TMEM181: variants seen among roughly 807,000 people sequenced by gnomAD.
TMEM181 encodes the protein G protein-coupled receptor 178.
Under a neutral mutation model 71.9 loss-of-function variants are expected in TMEM181, and 39 were observed. That is an observed-to-expected ratio of 0.54 (90% CI 0.42 to 0.71). The LOEUF is 0.71. Ranked by LOEUF, TMEM181 falls within the 30% of genes least tolerant of loss-of-function variation. The probability of loss-of-function intolerance (pLI) is 0.00; values close to 1 mark genes in which losing one functional copy is unlikely to be tolerated. For missense variants in TMEM181, 595 were observed against 583.0 expected, an observed-to-expected ratio of 1.02 and a Z score of -0.21; for synonymous variants, 245 against 228.8, an observed-to-expected ratio of 1.07 and a Z score of -0.64.
upstream of TMEM181, among the ~76,000 whole-genome samples, chr6:158,558,868 A>G (rs1260912340): frequency 6.6e-6 from 1 of 151,880 alleles, no homozygotes; most frequent in East Asian, 1.9e-4. Flanking sequence ...CCTCCGACTC[A>G]CCCCTTCCCG....
rs1486809561 is a variant in TMEM181 at position 158,628,238 on chromosome 6, G to A, written c.1110-170G>A. The A allele has an allele frequency of 4.2e-6, 3 of 715,566 alleles. No individual in the cohort carries two copies. The East Asian group carries it at 8.1e-5, about 19-fold the overall frequency. The allele number at this position is 715,566 out of a possible 1,614,324, so 44.3% of individuals were successfully genotyped here. On this transcript the variant is annotated intron_variant, in intron 13 of 16. Transcript: ENST00000684151. ...AACCAGAAGCAGGGGCTGTGTGTGT[G>A]TGTGCATGTGTGCATCTGTGCGTGC...
intron 1 of TMEM181, among the ~76,000 whole-genome samples, chr6:158,560,560 C>G (rs937730504): frequency 6.6e-6 from 1 of 152,280 alleles, no homozygotes; most frequent in East Asian, 1.9e-4. Flanking sequence ...CGGCCCTTCC[C>G]CGGCGTAGGG....
At chr6:158,560,426 G>A (rs2128284664) in intron 1 of TMEM181, among the ~76,000 whole-genome samples, 194 bp downstream of exon 1, 1 of 152,226 alleles carries the variant, frequency 6.6e-6, no homozygotes, top group East Asian at 1.9e-4. Flanking sequence ...AGAGTAGACC[G>A]GGGCCGGGGC....
At chr6:158,546,505 A>T (rs1219218006) in intron 1 of TMEM181, among the ~76,000 whole-genome samples, 1 of 152,212 alleles carries the variant, frequency 6.6e-6, no homozygotes. Flanking sequence ...CTGGAGCTGA[A>T]ACTGAACCCC....
At chr6:158,603,714 T>C (rs949903744) in intron 6 of TMEM181, among the ~76,000 whole-genome samples, 1 of 152,126 alleles carries the variant, frequency 6.6e-6, no homozygotes, top group African/African-American at 2.4e-5. Context: ...CAAAAATCTT[T>C]CATCTAGCTG....
At chr6:158,594,181 C>T (rs7753326) in intron 6 of TMEM181, among the ~76,000 whole-genome samples, 2 of 150,138 alleles carry the variant, frequency 1.3e-5, no homozygotes, top group Non-Finnish European at 3.0e-5. Context: ...TCACTGCAAC[C>T]TCCGCCTCCC....
chr6:158,601,601 A>G (rs1199014865), intron 6 of TMEM181, among the ~76,000 whole-genome samples: 2 of 152,130 alleles, frequency 1.3e-5, no homozygotes, highest in Non-Finnish European at 2.9e-5. Flanking sequence ...TCGACTAAAA[A>G]TACAAAAATT....
rs931791214 is a variant in TMEM181, at chr6:158,625,191, C to T, written c.1042C>T (p.His348Tyr). The change falls in exon 12 of 17, where the codon CAC becomes TAC. Residue 348 changes from histidine to tyrosine, a missense_variant. His to Tyr is a moderately conservative substitution (Grantham distance 83). Transcript: ENST00000684151. ...LIVRACSELR[H>Y]MPYVDLRLKF... Reference sequence around the variant, plus strand: ...AGTGCGGGCGTGTTCCGAGCTACGTCACATGCCTTATGTGGGTAAGTGCTC... The same window carrying T: ...AGTGCGGGCGTGTTCCGAGCTACGTTACATGCCTTATGTGGGTAAGTGCTC... The T allele has an allele frequency of 1.2e-6, 2 of 1,613,968 alleles. No homozygotes were observed. Among genetic ancestry groups the T allele is most frequent in the Non-Finnish European group, 1.7e-6 (2 of 1,179,962 alleles).
chr6:158,626,735 T>C lies in TMEM181; in HGVS notation c.1109+981T>C, dbSNP rs1407425925. 4 of 455,336 alleles carry C rather than the reference T, an allele frequency of 8.8e-6. No individual in the cohort carries two copies. In the Admixed American group the frequency reaches 9.4e-5, roughly 11 times the overall value. 28.2% of individuals were successfully genotyped at this position (455,336 alleles called of 1,614,324 possible). On this transcript the variant is annotated intron_variant, in intron 13 of 16. Transcript: ENST00000684151. ...TGCACGTTGTCTCTGTGACGTCTCA[T>C]ACACATGGCCATACAACCTCACAAC...
intron 11 of TMEM181, among the ~76,000 whole-genome samples, chr6:158,624,755 G>C (rs1271217608): frequency 1.3e-5 from 2 of 152,224 alleles, no homozygotes; most frequent in Admixed American, 6.5e-5. Flanking sequence ...CACATGCAGG[G>C]GCAGGGTGGG....
chr6:158,572,237 G>C (rs1406932015), intron 1 of TMEM181, among the ~76,000 whole-genome samples: 1 of 152,238 alleles, frequency 6.6e-6, no homozygotes, highest in African/African-American at 2.4e-5. Flanking sequence ...TGTGCTGCGG[G>C]GATGTGGGCA....
intron 1 of TMEM181, chr6:158,572,258 T>TG: frequency 2.7e-6 from 1 of 371,486 alleles, no homozygotes; most frequent in Middle Eastern, 6.4e-4. Flanking sequence ...CGCAGGCCCG[T>TG]GTGAGCTTTG....
At chr6:158,573,640 G>A (rs1348684443) in intron 2 of TMEM181, 117 bp downstream of exon 2, 17 of 841,682 alleles carry the variant, frequency 2.0e-5, no homozygotes, top group Non-Finnish European at 3.2e-5. Context: ...CAGCGTGGAG[G>A]GAGAAGTGTC....
At chr6:158,605,148 G>A (rs1244516381) in intron 6 of TMEM181, 119 bp from the exon 7 acceptor site, 1 of 577,772 alleles carries the variant, frequency 1.7e-6, no homozygotes, top group Non-Finnish European at 3.1e-6. Context: ...GTGTGTGTGT[G>A]TGTGTGTGTG....
chr6:158,565,255 C>T (rs531731676), intron 1 of TMEM181, among the ~76,000 whole-genome samples: 16 of 152,356 alleles, frequency 1.1e-4, no homozygotes, highest in Admixed American at 5.2e-4. Flanking sequence ...CCTCCCCTGC[C>T]GTGCCCTCCT....
At chr6:158,610,940 C>G in intron 10 of TMEM181, 1 of 420,104 alleles carries the variant, frequency 2.4e-6, no homozygotes, top group East Asian at 5.4e-5. Context: ...CGGGTTCCTC[C>G]TGAGAGAATC....
At chr6:158,626,253 A>T (rs1786269871) in intron 13 of TMEM181, among the ~76,000 whole-genome samples, 1 of 152,182 alleles carries the variant, frequency 6.6e-6, no homozygotes, top group Non-Finnish European at 1.5e-5. Flanking sequence ...GCCTGGCCTG[A>T]GTGCCCCAGA....
intron 10 of TMEM181, among the ~76,000 whole-genome samples, chr6:158,622,357 G>A (rs1159790924): frequency 1.3e-5 from 2 of 152,204 alleles, no homozygotes; most frequent in African/African-American, 4.8e-5. Flanking sequence ...GGGGAATGGT[G>A]TAGGCATTGT....
Position 158,634,442 on chromosome 6 carries a change from T to G in TMEM181, c.*2554T>G, listed in dbSNP as rs1469868974. 1 of 152,194 alleles carries G rather than the reference T, an allele frequency of 6.6e-6. No individual in the cohort carries two copies. The highest frequency in any genetic ancestry group is 1.5e-5 in the Non-Finnish European group (1 of 68,030). 9.4% of individuals were successfully genotyped at this position (152,194 alleles called of 1,614,324 possible). Reference sequence around the variant, plus strand: ...TTTTGCGAACTTAAAGGGCTGACTTTAGTTCCTTCATGGTAATGGCTTGAG... The same window carrying G: ...TTTTGCGAACTTAAAGGGCTGACTTGAGTTCCTTCATGGTAATGGCTTGAG... On this transcript the variant is annotated 3_prime_UTR_variant, in exon 17 of 17. Coordinates refer to ENST00000684151, the MANE Select transcript of TMEM181 (RefSeq NM_001376852.1).
Sources: gnomAD v4.1 joint callset for allele counts (sites outside exome capture counted in the v4.1 genomes callset) on GRCh38, gnomAD v4.1.1 for gene constraint, MANE v1.5 for transcripts, NCBI Gene and HGNC (gene_info 2026-07-23, HGNC 2026-07-21) for gene names.